GATB: variants seen among roughly 807,000 people sequenced by gnomAD.
GATB encodes glutamyl-tRNA(Gln) amidotransferase subunit B, mitochondrial.
Under a neutral mutation model 62.3 loss-of-function variants are expected in GATB, and 39 were observed. The ratio of observed to expected loss-of-function variants is 0.63; its 90% CI spans 0.48 to 0.82. The LOEUF is 0.82. Ranked by LOEUF, GATB falls within the 40% of genes least tolerant of loss-of-function variation. The pLI, the probability that GATB is intolerant of heterozygous loss-of-function variation, is 0.00. For synonymous variants in GATB, 276 were observed against 258.9 expected, an observed-to-expected ratio of 1.07 and a Z score of -0.63; for missense variants, 670 against 684.0, an observed-to-expected ratio of 0.98 and a Z score of 0.23.
intron 2 of GATB, among the ~76,000 whole-genome samples, chr4:151,741,799 T>C (rs1461651505): frequency 6.6e-6 from 1 of 152,230 alleles, no homozygotes; most frequent in African/African-American, 2.4e-5. Flanking sequence ...TTTGTTGTTC[T>C]TTAGGAGGAG....
intron 9 of GATB, among the ~76,000 whole-genome samples, chr4:151,699,387 C>CAA (rs35279340): frequency 4.1e-4 from 33 of 80,074 alleles, no homozygotes; most frequent in Middle Eastern, 0.011. Context: ...GACCCTGTCT[C>CAA]AAAAAAAAAA....
chr4:151,679,868 G>A lies in GATB; in HGVS notation c.1355C>T (p.Ala452Val). The A allele has an allele frequency of 6.2e-7, 1 of 1,614,132 alleles. No individual in the cohort carries two copies. The highest frequency in any genetic ancestry group is 8.5e-7 in the Non-Finnish European group (1 of 1,180,024). Residue 452 changes from alanine to valine, a missense_variant, in exon 11 of 13, where the codon GCT (alanine) becomes GTT (valine). Transcript: ENST00000263985. ...GCTGTCCAGCAGGTCAAGAAGCTCAGCGAGTGCAGAGGGTGTGACAGGACT... is the reference window on the plus strand; with the variant it reads ...GCTGTCCAGCAGGTCAAGAAGCTCAACGAGTGCAGAGGGTGTGACAGGACT... ...SESPVTPSAL[A>V]ELLDLLDSRT...
intron 10 of GATB, among the ~76,000 whole-genome samples, chr4:151,681,504 G>T (rs1327764507): frequency 2.0e-5 from 3 of 152,156 alleles, no homozygotes; most frequent in African/African-American, 7.2e-5. Flanking sequence ...CTAAAAGCGT[G>T]GGTTGCCTGG....
chr4:151,688,663 T>C lies in GATB; in HGVS notation c.1298A>G (p.Tyr433Cys), dbSNP rs1027888065. ...TSWVLNTFLG[Y>C]LKQQNLAVSE... ...GACAGCGAGGTTCTGTTGCTTTAAA[T>C]AGCCCAGAAAAGTGTTGAGGACCCA... Residue 433 changes from tyrosine to cysteine, a missense_variant, in exon 10 of 13, where the codon TAT (tyrosine) becomes TGT (cysteine). Physicochemically the swap from Tyr to Cys is radical, Grantham distance 194. Transcript: ENST00000263985. 1 of 1,611,062 alleles carries C rather than the reference T, an allele frequency of 6.2e-7. No homozygotes were observed. Among genetic ancestry groups the C allele is most frequent in the East Asian group, 2.2e-5 (1 of 44,858 alleles).
chr4:151,752,156 T>C (rs1156264174), intron 2 of GATB, among the ~76,000 whole-genome samples: 1 of 152,226 alleles, frequency 6.6e-6, no homozygotes, highest in Non-Finnish European at 1.5e-5. Flanking sequence ...GTGCTGCTGT[T>C]GAAAAGTCTG....
intron 10 of GATB, among the ~76,000 whole-genome samples, chr4:151,683,110 C>A (rs563177917): frequency 6.6e-6 from 1 of 152,332 alleles, no homozygotes; most frequent in East Asian, 1.9e-4. Flanking sequence ...TTGAATCTCA[C>A]AGCTTCACAA....
chr4:151,723,079 A>G (rs974236023), intron 2 of GATB: 3 of 152,240 alleles, frequency 2.0e-5, no homozygotes, highest in African/African-American at 7.2e-5. Context: ...AGGGTTAGCC[A>G]TAGCAGCTCT....
chr4:151,758,923 C>A lies in GATB; in HGVS notation c.177-1G>T. On this transcript the variant is annotated splice_acceptor_variant, in intron 1 of 12. Coordinates refer to ENST00000263985, the MANE Select transcript of GATB (RefSeq NM_004564.3). LOFTEE classifies it high-confidence loss of function. ...TACCACAGCAGCCCATTTGTGTTCA[C>A]TAAGAAGAAAGAGATAATGGTTAAG... The A allele has an allele frequency of 6.3e-7, 1 of 1,596,742 alleles. No individual in the cohort carries two copies. The highest frequency in any genetic ancestry group is 8.5e-7 in the Non-Finnish European group (1 of 1,172,452).
chr4:151,737,843 G>A lies in GATB; in HGVS notation c.328-18305C>T, dbSNP rs551282167. ...GAAGCTTCCACGTGGTGTTGAGCCT[G>A]TGGGTGCACAGAAGTCAAGAACCAA... On this transcript the variant is annotated intron_variant, in intron 2 of 12. Transcript: ENST00000263985. 2.0e-5 allele frequency among the ~76,000 whole-genome samples: 3 copies of A among 152,358 alleles called. 1 individual carries two copies. In the East Asian group the frequency reaches 5.8e-4, roughly 29 times the overall value.
chr4:151,673,874 G>T (rs1488078251), intron 11 of GATB: 2 of 152,150 alleles, frequency 1.3e-5, no homozygotes. Flanking sequence ...GCCGAGAACG[G>T]GCCAACCAGG....
intron 10 of GATB, among the ~76,000 whole-genome samples, chr4:151,683,271 C>T (rs750224976): frequency 1.1e-4 from 16 of 152,178 alleles, no homozygotes; most frequent in Non-Finnish European, 1.9e-4. Context: ...CTGTGCCTAC[C>T]CCTCTATAGA....
At chr4:151,714,033 A>G (rs577202368) in intron 5 of GATB, among the ~76,000 whole-genome samples, 3 of 152,222 alleles carry the variant, frequency 2.0e-5, no homozygotes, top group Non-Finnish European at 4.4e-5. Context: ...GTTCCAACTG[A>G]TAGATATTAT....
chr4:151,744,095 C>A (rs1739548470), intron 2 of GATB, among the ~76,000 whole-genome samples: 1 of 152,220 alleles, frequency 6.6e-6, no homozygotes, highest in Admixed American at 6.5e-5. Context: ...ACCATTATAA[C>A]ACTGAGCAAT....
At chr4:151,736,460 A>G (rs1739376542) in intron 2 of GATB, among the ~76,000 whole-genome samples, 1 of 152,196 alleles carries the variant, frequency 6.6e-6, no homozygotes, top group Non-Finnish European at 1.5e-5. Context: ...ATGTATATGT[A>G]TATTTATCAA....
chr4:151,708,048 A>G lies in GATB; in HGVS notation c.817T>C (p.Leu273=), dbSNP rs199751228. 3.1e-6 allele frequency: 5 copies of G among 1,614,094 alleles called. No homozygotes were observed. Among genetic ancestry groups the G allele is most frequent in the East Asian group, 2.2e-5 (1 of 44,876 alleles). The change falls in exon 6 of 13, where the codon TTG becomes CTG. Residue 273 remains leucine (L), a synonymous_variant. Transcript: ENST00000263985. The part of the protein sequence containing the change: ...NISVHHPGEP[L]GVRTEVKNLN... ...TTCTTCACTTCCGTTCGAACGCCCAAAGGCTCCCCAGGGTGATGCACGGAT... is the reference window on the plus strand; with the variant it reads ...TTCTTCACTTCCGTTCGAACGCCCAGAGGCTCCCCAGGGTGATGCACGGAT...
intron 9 of GATB, among the ~76,000 whole-genome samples, chr4:151,694,549 G>T (rs551456291): frequency 3.3e-5 from 5 of 152,222 alleles, no homozygotes; most frequent in Non-Finnish European, 7.3e-5. Context: ...AGGCTAGCAA[G>T]CACTGGATGC....
intron 9 of GATB, among the ~76,000 whole-genome samples, chr4:151,695,753 C>T (rs924098980): frequency 1.4e-4 from 22 of 151,850 alleles, no homozygotes; most frequent in Non-Finnish European, 2.8e-4. Context: ...TCCTCAGATT[C>T]TTTTTTCTTT....
chr4:151,753,633 C>T (rs1739764720), intron 2 of GATB, among the ~76,000 whole-genome samples: 1 of 151,546 alleles, frequency 6.6e-6, no homozygotes, highest in African/African-American at 2.4e-5. Context: ...CTGTCTTTAC[C>T]CCTTCTTCAT....
At chr4:151,707,604 T>C (rs1292454022) in intron 6 of GATB, among the ~76,000 whole-genome samples, 2 of 152,192 alleles carry the variant, frequency 1.3e-5, no homozygotes, top group East Asian at 3.9e-4. Flanking sequence ...CAATCTACTT[T>C]GAATAGAACA....
Sources: allele counts gnomAD v4.1 joint callset (sites outside exome capture counted in the v4.1 genomes callset), GRCh38; gene constraint gnomAD v4.1.1; transcripts MANE v1.5; gene names NCBI Gene and HGNC (gene_info 2026-07-23, HGNC 2026-07-21).